ZFYVE28: variants seen among roughly 807,000 people sequenced by gnomAD.
The protein encoded by ZFYVE28 is zinc finger FYVE-type containing 28.
Under a neutral mutation model 82.1 loss-of-function variants are expected in ZFYVE28, and 40 were observed. That is an observed-to-expected ratio of 0.49 (90% confidence interval 0.38 to 0.63). ZFYVE28 has a LOEUF of 0.63. Ranked by LOEUF, ZFYVE28 falls within the 30% of genes least tolerant of loss-of-function variation. The pLI is 0.00. For missense variants in ZFYVE28, 1,321 were observed against 1,242.1 expected, an observed-to-expected ratio of 1.06 and a Z score of -0.96; for synonymous variants, 612 against 546.1, an observed-to-expected ratio of 1.12 and a Z score of -1.68.
intron 2 of ZFYVE28, among the ~76,000 whole-genome samples, chr4:2,353,276 G>A (rs924084440): frequency 6.6e-6 from 1 of 152,194 alleles, no homozygotes; most frequent in East Asian, 1.9e-4. Context: ...TCAGGACCAC[G>A]GTGACACAGT....
chr4:2,364,816 G>C, intron 1 of ZFYVE28: 1 of 985,588 alleles, frequency 1.0e-6, no homozygotes, highest in Non-Finnish European at 1.2e-6. Context: ...GGGAATGGCG[G>C]GGGCTGTGTT....
chr4:2,346,164 TA>T (rs34720466), intron 2 of ZFYVE28, among the ~76,000 whole-genome samples: 92,129 of 126,394 alleles, frequency 0.73, 32,843 homozygotes, highest in East Asian at 0.82. Context: ...CCGTCTCTAC[TA>T]AAAAAAAAAA....
intron 1 of ZFYVE28, among the ~76,000 whole-genome samples, chr4:2,368,226 A>AAAAAAAAAAAAAC (rs1553856593): frequency 2.7e-5 from 4 of 150,190 alleles, no homozygotes; most frequent in African/African-American, 7.4e-5. Flanking sequence ...AAAAAAAAAA[A>AAAAAAAAAAAAAC]AAAACACTGT....
rs897579115 is a variant in ZFYVE28, at chr4:2,394,338, G to A, written c.39+23947C>T. Among the ~76,000 whole-genome samples the A allele has an allele frequency of 1.3e-5, 2 of 152,086 alleles. No individual in the cohort carries two copies. Among genetic ancestry groups the A allele is most frequent in the African/African-American group, 2.4e-5 (1 of 41,404 alleles). The stretch of plus-strand genomic sequence containing the variant: ...TTTGGGGGCCATCATTCTGCCTGCC[G>A]CAGGTGGCACAGCTGGGTCACCCAC... On this transcript the variant is annotated intron_variant, in intron 1 of 12. Coordinates refer to ENST00000290974, the MANE Select transcript of ZFYVE28 (RefSeq NM_020972.3). This position sits in a 1 kb window ranked among gnomAD's most constrained non-coding sequence, Gnocchi z 4.0.
chr4:2,353,875 A>G (rs575469546), intron 2 of ZFYVE28, 58 bp downstream of exon 2: 4 of 1,385,968 alleles, frequency 2.9e-6, no homozygotes, highest in South Asian at 3.5e-5. Flanking sequence ...TACTGAGGAC[A>G]GGCCACTCTG....
chr4:2,361,274 G>A (rs1240071977), intron 1 of ZFYVE28, among the ~76,000 whole-genome samples: 6 of 46,230 alleles, frequency 1.3e-4, no homozygotes, highest in Admixed American at 3.1e-4. Context: ...AGCAGCTCTC[G>A]GTTCAAAAAA....
At chr4:2,401,968 G>A (rs367644596) in intron 1 of ZFYVE28, among the ~76,000 whole-genome samples, 4 of 152,232 alleles carry the variant, frequency 2.6e-5, no homozygotes, top group African/African-American at 9.6e-5. Context: ...GCCAGCCTGA[G>A]GGATTTGGGT....
intron 7 of ZFYVE28, among the ~76,000 whole-genome samples, chr4:2,318,706 C>T (rs1718607285): frequency 6.6e-6 from 1 of 152,214 alleles, no homozygotes; most frequent in Non-Finnish European, 1.5e-5. Flanking sequence ...GAGGTTCCCA[C>T]ATCAGGGCCC....
Position 2,379,461 on chromosome 4 carries a change from A to C in ZFYVE28, c.40-25388T>G, listed in dbSNP as rs371830813. 9.8e-5 allele frequency among the ~76,000 whole-genome samples: 15 copies of C among 152,354 alleles called. No homozygotes were observed. The East Asian group carries it at 2.5e-3, about 25-fold the overall frequency. On this transcript the variant is annotated intron_variant, in intron 1 of 12. Transcript: ENST00000290974. ...GCTAAAATGTTCGGCTGAAGTTCAC[A>C]AGAATGTAGAGGCTCAGATTGTCAG...
At chr4:2,279,555 G>A (rs1013819525) in intron 8 of ZFYVE28, among the ~76,000 whole-genome samples, 11 of 151,992 alleles carry the variant, frequency 7.2e-5, no homozygotes, top group East Asian at 1.9e-4. Flanking sequence ...CAAGGTGGGC[G>A]GATCACGAGG....
intron 6 of ZFYVE28, among the ~76,000 whole-genome samples, chr4:2,334,235 G>C (rs953581948): frequency 1.3e-5 from 2 of 152,162 alleles, no homozygotes; most frequent in Non-Finnish European, 2.9e-5. Context: ...TGGGGAGCCA[G>C]GGCCCAGCAG....
chr4:2,339,469 C>A lies in ZFYVE28; in HGVS notation c.505G>T (p.Ala169Ser). 1 of 1,613,790 alleles carries A rather than the reference C, an allele frequency of 6.2e-7. No homozygotes were observed. Among genetic ancestry groups the A allele is most frequent in the South Asian group, 1.1e-5 (1 of 90,984 alleles). The change falls in exon 4 of 13, where the codon GCA (alanine) becomes TCA (serine). Residue 169 changes from alanine (A) to serine (S), a missense_variant. By Grantham distance (99) the Ala-to-Ser change is moderately conservative. Transcript: ENST00000290974. The surrounding 1 kb of genome is among the most constrained non-coding windows in gnomAD (Gnocchi z 5.0). Reference protein sequence around the residue: ...EALRHFDVLFAEFELSYVSAM... With the variant: ...EALRHFDVLFSEFELSYVSAM... Reference sequence around the variant, plus strand: ...CTGCAGTACCTGAGCTCAAACTCTGCGAACAGGACGTCGAAGTGCCTCAGC... The same window carrying A: ...CTGCAGTACCTGAGCTCAAACTCTGAGAACAGGACGTCGAAGTGCCTCAGC...
Position 2,380,740 on chromosome 4 carries a change from T to C in ZFYVE28, c.40-26667A>G, listed in dbSNP as rs370107763. Among the ~76,000 whole-genome samples the C allele has an allele frequency of 9.3e-4, 141 of 152,362 alleles. 2 individuals are homozygous for C. Among genetic ancestry groups the C allele is most frequent in the Middle Eastern group, 3.4e-3 (1 of 294 alleles). ...AGTCTCACAAGGACTGATGGTTTTATCAGGGGTTTTCGCTTTTGCATCTTC... is the reference window on the plus strand; with the variant it reads ...AGTCTCACAAGGACTGATGGTTTTACCAGGGGTTTTCGCTTTTGCATCTTC... On this transcript the variant is annotated intron_variant, in intron 1 of 12. Transcript: ENST00000290974.
At position 2,380,824 on chromosome 4, in the gene ZFYVE28, G is replaced by A. The variant is rs746089605; in HGVS notation, c.40-26751C>T. 3.2e-4 allele frequency among the ~76,000 whole-genome samples: 48 copies of A among 152,214 alleles called. No individual in the cohort carries two copies. In the Middle Eastern group the frequency reaches 0.01, roughly 33 times the overall value. ...TGCCTTTTGCCTCCTGCTGTGATTC[G>A]GAGGCCTCCCCAGCCATGTGGAACT... On this transcript the variant is annotated intron_variant, in intron 1 of 12. Transcript: ENST00000290974.
At chr4:2,393,790 G>A (rs955896967) in intron 1 of ZFYVE28, among the ~76,000 whole-genome samples, 6 of 152,152 alleles carry the variant, frequency 3.9e-5, no homozygotes, top group South Asian at 2.1e-4. Context: ...ACGGACTTCC[G>A]GGCTTTACTG....
At chr4:2,389,827 T>C (rs1271348448) in intron 1 of ZFYVE28, among the ~76,000 whole-genome samples, 2 of 152,124 alleles carry the variant, frequency 1.3e-5, no homozygotes, top group Non-Finnish European at 2.9e-5. Context: ...GCTAGCTCCC[T>C]ACCTACTCTC....
chr4:2,388,001 G>A (rs1486882694), intron 1 of ZFYVE28, among the ~76,000 whole-genome samples: 4 of 152,190 alleles, frequency 2.6e-5, no homozygotes, highest in South Asian at 2.1e-4. Flanking sequence ...CGCCACCCTC[G>A]GACACAGCCA....
At chr4:2,387,400 C>T (rs1434281817) in intron 1 of ZFYVE28, among the ~76,000 whole-genome samples, 1 of 152,216 alleles carries the variant, frequency 6.6e-6, no homozygotes, top group Non-Finnish European at 1.5e-5. Flanking sequence ...GCCCTCCTGC[C>T]GGCCGGAAGC....
At chr4:2,348,063 ACT>A (rs931062280) in intron 2 of ZFYVE28, among the ~76,000 whole-genome samples, 2 of 152,160 alleles carry the variant, frequency 1.3e-5, no homozygotes, top group African/African-American at 4.8e-5. Context: ...AATTGATAAA[ACT>A]CTATCAACAC....
Sources: allele counts gnomAD v4.1 joint callset (sites outside exome capture counted in the v4.1 genomes callset), GRCh38; gene constraint gnomAD v4.1.1; non-coding constraint Gnocchi (gnomAD v3.1); transcripts MANE v1.5; gene names NCBI Gene and HGNC (gene_info 2026-07-23, HGNC 2026-07-21).